The following SOX6 variants were observed in gnomAD, a reference collection of about 807,000 sequenced individuals.
SOX6 encodes the protein transcription factor SOX-6.
A neutral mutation model predicts 97.8 loss-of-function variants in SOX6; 11 were observed. The observed-to-expected ratio is 0.11, with a 90% CI of 0.07 to 0.19. The LOEUF (loss-of-function observed/expected upper bound fraction) is 0.19, where lower values mean the gene tolerates loss of function less well. SOX6 is among the 10% of genes least tolerant of loss of function. The pLI is 1.00. For missense variants in SOX6, 810 were observed against 1,039.5 expected (o/e 0.78, Z 3.04); for synonymous variants, 360 against 371.4 (o/e 0.97, Z 0.35).
chr11:16,502,469 A>T (rs1206458422), intron 4 of SOX6, among the ~76,000 whole-genome samples: 1 of 151,944 alleles, frequency 6.6e-6, no homozygotes, highest in Non-Finnish European at 1.5e-5. Flanking sequence ...ATAATAAAAA[A>T]AATCCAGAAA....
intron 12 of SOX6, among the ~76,000 whole-genome samples, chr11:16,046,162 T>C (rs142196772): frequency 6.6e-6 from 1 of 152,314 alleles, no homozygotes; most frequent in East Asian, 1.9e-4. Flanking sequence ...TTAGTCTTCA[T>C]TGTAAACACA....
At chr11:16,723,504 A>C (rs928874019) in intron 2 of SOX6, among the ~76,000 whole-genome samples, 26 of 152,136 alleles carry the variant, frequency 1.7e-4, no homozygotes, top group Non-Finnish European at 2.8e-4. Flanking sequence ...AAAAGAAAAA[A>C]AAAACTGAGA....
chr11:16,525,638 T>C (rs1436924847), intron 4 of SOX6, among the ~76,000 whole-genome samples: 3 of 151,624 alleles, frequency 2.0e-5, no homozygotes, highest in Non-Finnish European at 4.4e-5. Context: ...AAATGGGATC[T>C]AATTAAACTA....
chr11:16,431,311 T>C (rs751183705), intron 1 of SOX6, among the ~76,000 whole-genome samples: 1 of 152,158 alleles, frequency 6.6e-6, no homozygotes, highest in Non-Finnish European at 1.5e-5. Context: ...ATAAACTTAA[T>C]GAGAGCAGGT....
intron 6 of SOX6, among the ~76,000 whole-genome samples, chr11:16,176,111 GA>G (rs1343700858): frequency 1.4e-5 from 2 of 147,860 alleles, no homozygotes; most frequent in Admixed American, 6.7e-5. Flanking sequence ...ATGGATGGAT[GA>G]GACAGAGAGA....
chr11:16,440,410 T>A (rs993672113), intron 1 of SOX6, among the ~76,000 whole-genome samples: 3 of 152,210 alleles, frequency 2.0e-5, no homozygotes, highest in African/African-American at 7.2e-5. Context: ...ATTAAAGTCA[T>A]AAATAAGATG....
chr11:16,283,372 C>A (rs1347709674), intron 3 of SOX6, among the ~76,000 whole-genome samples: 1 of 150,806 alleles, frequency 6.6e-6, no homozygotes, highest in Non-Finnish European at 1.5e-5. Flanking sequence ...GCATAGAATT[C>A]TTGAATGCTT....
intron 3 of SOX6, among the ~76,000 whole-genome samples, chr11:16,306,299 T>C (rs1487082228): frequency 6.6e-6 from 1 of 152,124 alleles, no homozygotes; most frequent in African/African-American, 2.4e-5. Context: ...CAACAAAAAT[T>C]TCAATTTAAA....
chr11:16,708,821 T>A (rs1366005743), intron 3 of SOX6, among the ~76,000 whole-genome samples: 1 of 152,160 alleles, frequency 6.6e-6, no homozygotes, highest in Non-Finnish European at 1.5e-5. Flanking sequence ...GGTAACATAT[T>A]TTTCTCCCCA....
intron 1 of SOX6, among the ~76,000 whole-genome samples, chr11:16,390,975 AATGTGGCAC>A (rs1268249072): frequency 6.6e-6 from 1 of 152,240 alleles, no homozygotes; most frequent in African/African-American, 2.4e-5. Flanking sequence ...GGATTAAGAA[AATGTGGCAC>A]ATATACACCA....
chr11:16,301,145 CTT>C (rs1855246026), intron 3 of SOX6, among the ~76,000 whole-genome samples: 5 of 152,068 alleles, frequency 3.3e-5, no homozygotes, highest in Admixed American at 2.6e-4. Flanking sequence ...GAGAAACAAA[CTT>C]ATATGAAATA....
chr11:16,435,751 T>C (rs901795929), intron 1 of SOX6, among the ~76,000 whole-genome samples: 2 of 151,628 alleles, frequency 1.3e-5, no homozygotes, highest in Admixed American at 6.6e-5. Flanking sequence ...CTATTTCAAA[T>C]TGGGAAAAAA....
intron 3 of SOX6, among the ~76,000 whole-genome samples, chr11:16,703,212 T>C (rs1848107761): frequency 2.6e-5 from 4 of 152,084 alleles, no homozygotes; most frequent in Admixed American, 2.0e-4. Context: ...AAATATGAAC[T>C]AACGTCTATG....
At chr11:16,668,469 A>C (rs752527370) in intron 3 of SOX6, among the ~76,000 whole-genome samples, 3 of 152,204 alleles carry the variant, frequency 2.0e-5, no homozygotes, top group Non-Finnish European at 2.9e-5. Context: ...ACTAAAAAGG[A>C]AGGCAGGAAG....
Position 16,464,043 on chromosome 11 carries a change from G to A in SOX6, c.-5+12272C>T, listed in dbSNP as rs528403922. Among the ~76,000 whole-genome samples, 8 of 152,254 alleles carry A rather than the reference G, an allele frequency of 5.3e-5. No individual in the cohort carries two copies. In the South Asian group the frequency reaches 8.3e-4, roughly 16 times the overall value. ...ATGGTTATAACTTTATGGTTATACA[G>A]GATATCTCACTGTAAGAGATCTTTC... is the stretch of plus-strand genomic sequence containing the variant. On this transcript the variant is annotated intron_variant, in intron 1 of 15. Transcript: ENST00000396356.
intron 4 of SOX6, among the ~76,000 whole-genome samples, chr11:16,598,879 C>A (rs1848239872): frequency 7.0e-6 from 1 of 142,142 alleles, no homozygotes; most frequent in African/African-American, 2.5e-5. Flanking sequence ...TGACTGGAAA[C>A]AACAAATTAT....
chr11:16,192,418 T>G (rs903111215), intron 4 of SOX6, among the ~76,000 whole-genome samples: 10 of 152,178 alleles, frequency 6.6e-5, no homozygotes, highest in African/African-American at 2.4e-4. Flanking sequence ...CCAGTTGTAC[T>G]TAAAATTTTG....
chr11:16,339,511 G>T (rs1472811555), intron 2 of SOX6, among the ~76,000 whole-genome samples: 1 of 151,988 alleles, frequency 6.6e-6, no homozygotes. Context: ...CTCAGTGAGG[G>T]CATTCCTAAC....
intron 2 of SOX6, among the ~76,000 whole-genome samples, chr11:16,721,973 A>G (rs971076533): frequency 6.6e-6 from 1 of 152,184 alleles, no homozygotes; most frequent in Non-Finnish European, 1.5e-5. Context: ...TGCTGGGATA[A>G]CTGGTTAGTC....
Sources: gnomAD v4.1 joint callset for allele counts (sites outside exome capture counted in the v4.1 genomes callset) on GRCh38, gnomAD v4.1.1 for gene constraint, MANE v1.5 for transcripts, NCBI Gene and HGNC (gene_info 2026-07-23, HGNC 2026-07-21) for gene names.